Variants in VPS50 observed in about 807,000 individuals in gnomAD.
VPS50 encodes the protein syndetin.
Under a neutral mutation model 139.7 loss-of-function variants are expected in VPS50, and 70 were observed. The observed-to-expected ratio is 0.50, with a 90% confidence interval of 0.41 to 0.61. The LOEUF (loss-of-function observed/expected upper bound fraction) is 0.61. Ranked by LOEUF, VPS50 falls within the 20% of genes least tolerant of loss-of-function variation. VPS50 has a pLI of 0.00. For missense variants in VPS50, 921 were observed against 1,133.7 expected (o/e 0.81, Z 2.69); for synonymous variants, 365 against 376.7 (o/e 0.97, Z 0.36).
intron 4 of VPS50, among the ~76,000 whole-genome samples, chr7:93,255,957 T>G (rs190880663): frequency 3.5e-4 from 54 of 152,314 alleles, no homozygotes; most frequent in African/African-American, 1.3e-3. Flanking sequence ...ACTTCTAACT[T>G]GCATACGTTA....
In VPS50 at chr7:93,232,723, A is replaced by G. The variant is rs547535222; in HGVS notation, c.33+223A>G. 3.9e-5 allele frequency among the ~76,000 whole-genome samples: 6 copies of G among 152,274 alleles called. No homozygotes were observed. The East Asian group carries it at 7.7e-4, about 20-fold the overall frequency. On this transcript the variant is annotated intron_variant, in intron 1 of 27. Transcript: ENST00000305866. ...GCCTCCCAGAAATATTCGTTTAAAA[A>G]TAAGTCATTGAAGGAATCAGGGTAT... is the stretch of plus-strand genomic sequence containing the variant.
chr7:93,273,578 C>A (rs1487234515), intron 11 of VPS50: 2 of 151,990 alleles, frequency 1.3e-5, no homozygotes, highest in Non-Finnish European at 2.9e-5. Flanking sequence ...TATGTTTAAA[C>A]ACCTTTGAAA....
chr7:93,304,978 G>A, intron 17 of VPS50, among the ~76,000 whole-genome samples: 1 of 151,844 alleles, frequency 6.6e-6, no homozygotes, highest in Non-Finnish European at 1.5e-5. Context: ...ACAAGCCAAT[G>A]TACCTTTCAA....
intron 9 of VPS50, among the ~76,000 whole-genome samples, chr7:93,260,702 T>C (rs998566989): frequency 4.6e-5 from 7 of 151,988 alleles, no homozygotes; most frequent in Admixed American, 3.9e-4. Flanking sequence ...TGTTTGTTTG[T>C]TTTTTATTTT....
At chr7:93,303,310 T>A in intron 16 of VPS50, 150 bp from the exon 17 acceptor site, 1 of 397,528 alleles carries the variant, frequency 2.5e-6, no homozygotes, top group South Asian at 9.9e-5. Context: ...AACATTTCTG[T>A]TTACTGTGTT....
intron 22 of VPS50, among the ~76,000 whole-genome samples, chr7:93,337,525 T>G (rs772383041): frequency 2.0e-5 from 3 of 152,198 alleles, no homozygotes. Context: ...AAATATATTG[T>G]GTATATGATA....
At chr7:93,279,241 T>G (rs926201840) in intron 12 of VPS50, among the ~76,000 whole-genome samples, 1 of 152,220 alleles carries the variant, frequency 6.6e-6, no homozygotes, top group African/African-American at 2.4e-5. Flanking sequence ...TTAATTTATT[T>G]TATAATATTG....
At chr7:93,276,335 A>G (rs554590997) in intron 12 of VPS50, 30 bp downstream of exon 12, 4 of 1,577,678 alleles carry the variant, frequency 2.5e-6, no homozygotes, top group Admixed American at 1.7e-5. Flanking sequence ...CTATTCATAT[A>G]TCTCTCCTTT....
chr7:93,266,431 T>C (rs1170390932), intron 9 of VPS50, among the ~76,000 whole-genome samples: 2 of 152,212 alleles, frequency 1.3e-5, no homozygotes, highest in Admixed American at 6.5e-5. Flanking sequence ...CCATCTTGTC[T>C]TTTTGTATAG....
chr7:93,301,715 T>G (rs768726631), intron 16 of VPS50, among the ~76,000 whole-genome samples: 87 of 152,094 alleles, frequency 5.7e-4, no homozygotes, highest in Non-Finnish European at 7.9e-4. Context: ...GAGAATAAAT[T>G]TTTGCTTGTT....
At chr7:93,266,322 G>A (rs1795843185) in intron 9 of VPS50, among the ~76,000 whole-genome samples, 1 of 152,194 alleles carries the variant, frequency 6.6e-6, no homozygotes, top group Non-Finnish European at 1.5e-5. Context: ...CCACCTTTAT[G>A]TAGGAAACTG....
At chr7:93,279,466 G>GC (rs1001999144) in intron 12 of VPS50, among the ~76,000 whole-genome samples, 4 of 152,106 alleles carry the variant, frequency 2.6e-5, no homozygotes, top group African/African-American at 9.7e-5. Context: ...AAATATCAAG[G>GC]CATAACTCAG....
In VPS50 at chr7:93,296,839, A is replaced by G. The variant is rs747006923; in HGVS notation, c.1262+3A>G. The G allele has an allele frequency of 1.3e-6, 2 of 1,593,102 alleles. No individual in the cohort carries two copies. The highest frequency in any genetic ancestry group is 1.8e-5 in the Admixed American group (1 of 55,060). Reference sequence around the variant, plus strand: ...TTTGTTTTGGATATAATCAGCAGGTAGTATTTAAGATCTTGTCTTATTCTT... The same window carrying G: ...TTTGTTTTGGATATAATCAGCAGGTGGTATTTAAGATCTTGTCTTATTCTT... On this transcript the variant is annotated splice_donor_region_variant and intron_variant, in intron 15 of 27. Transcript: ENST00000305866.
rs1029450200 is a variant in VPS50 at position 93,305,822 on chromosome 7, A to G, written c.1453-6A>G. 1.4e-5 allele frequency: 23 copies of G among 1,610,418 alleles called. No individual in the cohort carries two copies. Among genetic ancestry groups the G allele is most frequent in the Admixed American group, 6.7e-5 (4 of 59,822 alleles). On this transcript the variant is annotated splice_polypyrimidine_tract_variant and splice_region_variant and intron_variant, in intron 17 of 27. Coordinates refer to ENST00000305866, the MANE Select transcript of VPS50 (RefSeq NM_017667.4). ...AAGGGTATCTGGCTCCTTTTTTAAC[A>G]TCTAGGAATTTAAATTCATGGAACA...
intron 8 of VPS50, chr7:93,259,304 TGGTCTCA>T (rs1191109296): frequency 6.3e-6 from 2 of 315,810 alleles, no homozygotes; most frequent in Non-Finnish European, 1.1e-5. Flanking sequence ...GTCATGGAAA[TGGTCTCA>T]GGGGGCTGTT....
intron 23 of VPS50, among the ~76,000 whole-genome samples, chr7:93,345,117 A>AT (rs1199612221): frequency 6.6e-6 from 1 of 152,220 alleles, no homozygotes; most frequent in Non-Finnish European, 1.5e-5. Context: ...GAAGAATCAA[A>AT]TAGATGCAAT....
chr7:93,311,819 G>A (rs1797277379), intron 20 of VPS50, among the ~76,000 whole-genome samples: 1 of 152,006 alleles, frequency 6.6e-6, no homozygotes, highest in Non-Finnish European at 1.5e-5. Flanking sequence ...TCAGGTTTTA[G>A]GATGATGTGG....
intron 8 of VPS50, 131 bp from the exon 9 acceptor site, chr7:93,259,419 A>G: frequency 7.7e-6 from 4 of 520,914 alleles, no homozygotes; most frequent in Non-Finnish European, 1.4e-5. Flanking sequence ...TCTATCATTG[A>G]TATTCTAAGA....
chr7:93,323,789 T>C, intron 21 of VPS50, 57 bp downstream of exon 21: 1 of 894,570 alleles, frequency 1.1e-6, no homozygotes, highest in Non-Finnish European at 1.6e-6. Context: ...TTTATAAATG[T>C]CAAAGTTTTT....
Sources: gnomAD v4.1 joint callset for allele counts (sites outside exome capture counted in the v4.1 genomes callset) on GRCh38, gnomAD v4.1.1 for gene constraint, MANE v1.5 for transcripts, NCBI Gene and HGNC (gene_info 2026-07-23, HGNC 2026-07-21) for gene names.